The following CAMKV variants were observed in gnomAD, a reference collection of about 807,000 sequenced individuals.
CAMKV encodes CaM kinase like vesicle associated.
Under a neutral mutation model 50.2 loss-of-function variants are expected in CAMKV, and 5 were observed. That is an observed-to-expected ratio of 0.10 (90% CI 0.05 to 0.21). CAMKV has a LOEUF of 0.21. Among genes scored for constraint, CAMKV ranks in the 10% least tolerant of loss-of-function variants. The pLI is 1.00. For synonymous variants in CAMKV, 229 were observed against 250.1 expected, an observed-to-expected ratio of 0.92 and a Z score of 0.80; for missense variants, 361 against 650.5, an observed-to-expected ratio of 0.55 and a Z score of 4.84.
rs2082030375 is a variant in CAMKV at position 49,862,503 on chromosome 3, G to C, written c.-14-101C>G. The stretch of plus-strand genomic sequence containing the variant: ...CCCCAACCTGGCTCAGGCCAAGCTA[G>C]GGGCAGAGACCATACCAGGAGGGGC... On this transcript the variant is annotated intron_variant, in intron 1 of 10. Coordinates refer to ENST00000477224, the MANE Select transcript of CAMKV (RefSeq NM_024046.5). This position sits in a 1 kb window ranked among gnomAD's most constrained non-coding sequence, Gnocchi z 5.2. 3.0e-6 allele frequency: 3 copies of C among 984,072 alleles called. No individual in the cohort carries two copies. In the South Asian group the frequency reaches 4.0e-5, roughly 13 times the overall value. The allele number at this position is 984,072 out of a possible 1,614,324, so 61.0% of individuals were successfully genotyped here. A position where few individuals can be genotyped will look rare whatever the true frequency, so the allele number is the denominator to read the frequency against.
In CAMKV at chr3:49,860,316, C is replaced by A; in HGVS notation, c.855-58G>T. On this transcript the variant is annotated intron_variant, in intron 9 of 10. Transcript: ENST00000477224. This position sits in a 1 kb window ranked among gnomAD's most constrained non-coding sequence, Gnocchi z 6.1. ...AGAATGAGCCTTTGTGGAGACTCTG[C>A]TCAGCCCTTCTATGTGGCATCCAGG... The A allele has an allele frequency of 6.4e-7, 1 of 1,572,244 alleles. No individual in the cohort carries two copies. Among genetic ancestry groups the A allele is most frequent in the Non-Finnish European group, 8.8e-7 (1 of 1,142,330 alleles).
Position 49,860,519 on chromosome 3 carries a change from A to G in CAMKV, c.806T>C (p.Val269Ala). Residue 269 changes from valine to alanine, a missense_variant, in exon 9 of 11, where the codon GTG (valine) becomes GCG (alanine). By Grantham distance (64) the Val-to-Ala change is moderately conservative (BLOSUM62 0). Around this residue, in one of 4 missense-constraint regions of CAMKV, gnomAD observed 172 missense variants for 414.3 expected, o/e 0.42. Transcript: ENST00000477224. The surrounding 1 kb of genome is among the most constrained non-coding windows in gnomAD (Gnocchi z 6.1). ...TGCAGTGATCCGCTGGTCTTGCTCC[A>G]CCTCCATCAGCCTTGTGACCAGGTC... ...AKDLVTRLME[V>A]EQDQRITAEE... The G allele has an allele frequency of 1.2e-6, 2 of 1,613,378 alleles. No individual in the cohort carries two copies. The highest frequency in any genetic ancestry group is 1.7e-6 in the Non-Finnish European group (2 of 1,179,756).
chr3:49,859,273 C>G lies in CAMKV; in HGVS notation c.*45G>C. ...AGTGAGAAGCCCCTCATCCACTCTC[C>G]CACCCTCCTGCCCATCCCCTGCCCC... is the stretch of plus-strand genomic sequence containing the variant. On this transcript the variant is annotated 3_prime_UTR_variant, in exon 11 of 11. Transcript: ENST00000477224. This position sits in a 1 kb window ranked among gnomAD's most constrained non-coding sequence, Gnocchi z 5.5. 2 of 1,470,054 alleles carry G rather than the reference C, an allele frequency of 1.4e-6. No homozygotes were observed. Among genetic ancestry groups the G allele is most frequent in the Non-Finnish European group, 1.8e-6 (2 of 1,102,338 alleles). The allele number at this position is 1,470,054 out of a possible 1,614,324, so 91.1% of individuals were successfully genotyped here. A position where few individuals can be genotyped will look rare whatever the true frequency, so the allele number is the denominator to read the frequency against.
Position 49,858,719 on chromosome 3 carries a change from C to A in CAMKV, c.*599G>T. The stretch of plus-strand genomic sequence containing the variant: ...TACTCATTCTCTCCACTCCTGAGGA[C>A]CTCCACAGCTAGTGAGCAGTATCCC... On this transcript the variant is annotated 3_prime_UTR_variant, in exon 11 of 11. Transcript: ENST00000477224. 1 of 200,996 alleles carries A rather than the reference C, an allele frequency of 5.0e-6. No homozygotes were observed. The highest frequency in any genetic ancestry group is 9.9e-6 in the Non-Finnish European group (1 of 100,890). 12.5% of individuals were successfully genotyped at this position (200,996 alleles called of 1,614,324 possible).
chr3:49,859,866 T>C lies in CAMKV; in HGVS notation c.958A>G (p.Thr320Ala). Residue 320 changes from threonine to alanine, a missense_variant, in exon 11 of 11, where the codon ACC (threonine) becomes GCC (alanine). This residue lies in a region of CAMKV where 172 missense variants were observed against 414.3 expected (regional missense o/e 0.42). Coordinates refer to ENST00000477224, the MANE Select transcript of CAMKV (RefSeq NM_024046.5). This position sits in a 1 kb window ranked among gnomAD's most constrained non-coding sequence, Gnocchi z 5.5. ...RAKWKKAVRV[T>A]TLMKRLRAPE... is the part of the protein sequence containing the mutation. The stretch of plus-strand genomic sequence containing the variant: ...GCCCGGAGCCGTTTCATGAGGGTGG[T>C]CACTCGGACAGCCTTCTGAAAGGAG... The C allele has an allele frequency of 6.6e-7, 1 of 1,512,404 alleles. No individual in the cohort carries two copies. 93.7% of individuals were successfully genotyped at this position (1,512,404 alleles called of 1,614,324 possible). A position where few individuals can be genotyped will look rare whatever the true frequency, so the allele number is the denominator to read the frequency against.
At chr3:49,866,356 G>A (rs1031681029) in intron 1 of CAMKV, among the ~76,000 whole-genome samples, 1 of 152,230 alleles carries the variant, frequency 6.6e-6, no homozygotes, top group Non-Finnish European at 1.5e-5. Flanking sequence ...CAGAAAGAGA[G>A]GAGGCCAAGT....
chr3:49,863,958 G>A (rs1217294904), intron 1 of CAMKV, among the ~76,000 whole-genome samples: 1 of 152,152 alleles, frequency 6.6e-6, no homozygotes, highest in Non-Finnish European at 1.5e-5. Flanking sequence ...ACCATACCTG[G>A]CTTGGGTAAA....
chr3:49,860,045 C>A lies in CAMKV; in HGVS notation c.942+126G>T. On this transcript the variant is annotated intron_variant, in intron 10 of 10. Coordinates refer to ENST00000477224, the MANE Select transcript of CAMKV (RefSeq NM_024046.5). This position sits in a 1 kb window ranked among gnomAD's most constrained non-coding sequence, Gnocchi z 6.1. ...CTCCTACTTAAGGTAATCACAGTGG[C>A]TACACCCACACCTGATGGCCTGAGA... is the stretch of plus-strand genomic sequence containing the variant. 9.2e-7 allele frequency: 1 copy of A among 1,089,986 alleles called. No individual in the cohort carries two copies. Among genetic ancestry groups the A allele is most frequent in the Non-Finnish European group, 1.4e-6 (1 of 734,326 alleles). The allele number at this position is 1,089,986 out of a possible 1,614,324, so 67.5% of individuals were successfully genotyped here.
chr3:49,866,435 A>C (rs1232748447), intron 1 of CAMKV, among the ~76,000 whole-genome samples: 1 of 152,204 alleles, frequency 6.6e-6, no homozygotes, highest in African/African-American at 2.4e-5. Flanking sequence ...CTCTCCTCTC[A>C]GCAACACAGG....
chr3:49,868,411 G>T (rs547168989), intron 1 of CAMKV, among the ~76,000 whole-genome samples: 28 of 152,126 alleles, frequency 1.8e-4, no homozygotes, highest in Non-Finnish European at 3.4e-4. Flanking sequence ...CCAGAAACAG[G>T]ATAACCACAC....
intron 1 of CAMKV, among the ~76,000 whole-genome samples, chr3:49,866,227 C>A (rs1483716092): frequency 6.6e-6 from 1 of 152,192 alleles, no homozygotes; most frequent in African/African-American, 2.4e-5. Flanking sequence ...TCTGCCCACA[C>A]CCACTCCACC....
At chr3:49,866,274 G>A (rs1352375832) in intron 1 of CAMKV, among the ~76,000 whole-genome samples, 3 of 152,196 alleles carry the variant, frequency 2.0e-5, no homozygotes, top group Admixed American at 6.5e-5. Context: ...GAGGTTTCGG[G>A]TGTGTGCACC....
Position 49,859,829 on chromosome 3 carries a change from G to T in CAMKV, c.995C>A (p.Ser332Tyr), listed in dbSNP as rs961401656. Residue 332 changes from serine to tyrosine, a missense_variant, in exon 11 of 11, where the codon TCC (serine) becomes TAC (tyrosine). By Grantham distance (144) the Ser-to-Tyr change is moderately radical (BLOSUM62 -2). This residue lies in a region of CAMKV where 87 missense variants were observed against 92.0 expected (regional missense o/e 0.95). Transcript: ENST00000477224. The surrounding 1 kb of genome is among the most constrained non-coding windows in gnomAD (Gnocchi z 5.5). ...LMKRLRAPEQ[S>Y]STAAAQSASA... The stretch of plus-strand genomic sequence containing the variant: ...GGCCGACTGGGCTGCAGCCGTGCTG[G>T]ACTGCTCTGGTGCCCGGAGCCGTTT... The T allele has an allele frequency of 6.5e-7, 1 of 1,530,250 alleles. No homozygotes were observed. Among genetic ancestry groups the T allele is most frequent in the Non-Finnish European group, 8.7e-7 (1 of 1,144,834 alleles). The allele number at this position is 1,530,250 out of a possible 1,614,324, so 94.8% of individuals were successfully genotyped here.
Position 49,858,581 on chromosome 3 carries a change from A to G in CAMKV, c.*737T>C. Reference sequence around the variant, plus strand: ...GTCCTAATTGTTCCTCCTTTCCCTTAGAGGCTCATGAGGTTCAGGGTACAG... The same window carrying G: ...GTCCTAATTGTTCCTCCTTTCCCTTGGAGGCTCATGAGGTTCAGGGTACAG... On this transcript the variant is annotated 3_prime_UTR_variant, in exon 11 of 11. Coordinates refer to ENST00000477224, the MANE Select transcript of CAMKV (RefSeq NM_024046.5). 1 of 382,842 alleles carries G rather than the reference A, an allele frequency of 2.6e-6. No homozygotes were observed. The allele number at this position is 382,842 out of a possible 1,614,324, so 23.7% of individuals were successfully genotyped here.
rs2082003036 is a variant in CAMKV at position 49,859,552 on chromosome 3, C to T, written c.1272G>A (p.Arg424=). ...TDGSVTPATD[R]SATPATDGRA... is the part of the protein sequence containing the mutation. ...TCCCATCAGTGGCTGGAGTAGCGCT[C>T]CTGTCAGTGGCTGGGGTGACACTCC... is the stretch of plus-strand genomic sequence containing the variant. Residue 424 remains arginine (R), a synonymous_variant, in exon 11 of 11, where the codon AGG becomes AGA. Coordinates refer to ENST00000477224, the MANE Select transcript of CAMKV (RefSeq NM_024046.5). The surrounding 1 kb of genome is among the most constrained non-coding windows in gnomAD (Gnocchi z 5.5). The T allele has an allele frequency of 1.9e-6, 3 of 1,613,966 alleles. No individual in the cohort carries two copies. Among genetic ancestry groups the T allele is most frequent in the African/African-American group, 2.7e-5 (2 of 74,878 alleles).
intron 1 of CAMKV, among the ~76,000 whole-genome samples, chr3:49,868,411 GA>G (rs1296571394): frequency 6.6e-6 from 1 of 152,126 alleles, no homozygotes; most frequent in African/African-American, 2.4e-5. Context: ...CCAGAAACAG[GA>G]TAACCACACA....
At position 49,861,519 on chromosome 3, in the gene CAMKV, C is replaced by T; in HGVS notation, c.361G>A (p.Asp121Asn). 6.2e-7 allele frequency: 1 copy of T among 1,614,184 alleles called. No homozygotes were observed. The highest frequency in any genetic ancestry group is 8.5e-7 in the Non-Finnish European group (1 of 1,180,040). ...ILDQGYYSER[D>N]TSNVVRQVLE... ...ACTTGCCGTACCACGTTGCTTGTGT[C>T]TCGCTCCGAGTAGTAGCCCTGGTCC... Residue 121 changes from aspartate to asparagine, a missense_variant, in exon 5 of 11, where the codon GAC (aspartate) becomes AAC (asparagine). This residue lies in a region of CAMKV where 172 missense variants were observed against 414.3 expected (regional missense o/e 0.42). Coordinates refer to ENST00000477224, the MANE Select transcript of CAMKV (RefSeq NM_024046.5). The surrounding 1 kb of genome is among the most constrained non-coding windows in gnomAD (Gnocchi z 7.7).
rs201634061 is a variant in CAMKV, at chr3:49,860,896, C to A, written c.639-44G>T. On this transcript the variant is annotated intron_variant, in intron 7 of 10. Transcript: ENST00000477224. This position sits in a 1 kb window ranked among gnomAD's most constrained non-coding sequence, Gnocchi z 6.1. ...ACACAGAAAGGCCACAGACACATGC[C>A]CCCACCCCATCTGACTGCAAGCCTG... The A allele has an allele frequency of 6.2e-7, 1 of 1,613,720 alleles. No individual in the cohort carries two copies. The highest frequency in any genetic ancestry group is 1.1e-5 in the South Asian group (1 of 91,046).
chr3:49,865,997 C>T (rs751789848), intron 1 of CAMKV, among the ~76,000 whole-genome samples: 2 of 152,204 alleles, frequency 1.3e-5, no homozygotes, highest in Non-Finnish European at 2.9e-5. Context: ...GCCTCCACCC[C>T]GTAATGTCAG....
Sources: allele counts gnomAD v4.1 joint callset (sites outside exome capture counted in the v4.1 genomes callset), GRCh38; gene constraint gnomAD v4.1.1; regional missense constraint gnomAD v4.1.1; non-coding constraint Gnocchi (gnomAD v3.1); transcripts MANE v1.5; gene names NCBI Gene and HGNC (gene_info 2026-07-23, HGNC 2026-07-21).